GLIS3: variants seen among roughly 807,000 people sequenced by gnomAD.
GLIS3 encodes zinc finger protein GLIS3.
Under a neutral mutation model 78.6 loss-of-function variants are expected in GLIS3, and 53 were observed. The ratio of observed to expected loss-of-function variants is 0.67; its 90% CI spans 0.54 to 0.85. GLIS3 has a LOEUF of 0.85. GLIS3 is among the 40% of genes least tolerant of loss of function. The pLI, the probability that GLIS3 is intolerant of heterozygous loss-of-function variation, is 0.00. For missense variants in GLIS3, 1,703 were observed against 1,231.1 expected (o/e 1.38, Z -5.74); for synonymous variants, 684 against 509.9 (o/e 1.34, Z -4.60).
intron 2 of GLIS3, among the ~76,000 whole-genome samples, chr9:4,244,875 C>G (rs1284712808): frequency 1.3e-5 from 2 of 152,112 alleles, no homozygotes; most frequent in African/African-American, 4.8e-5. Context: ...CATGCCTGAC[C>G]ACAAGGAATT....
In GLIS3 at chr9:3,932,237, C is replaced by T. The variant is rs372075339; in HGVS notation, c.1983+123G>A. The stretch of plus-strand genomic sequence containing the variant: ...TTCATGGGAGACTTACCTCCTCAAA[C>T]GGTCTAAAGCAGGTTATACCATGAG... On this transcript the variant is annotated intron_variant, in intron 6 of 10. Coordinates refer to ENST00000381971, the MANE Select transcript of GLIS3 (RefSeq NM_001042413.2). The T allele has an allele frequency of 2.2e-3, 1,616 of 733,500 alleles. 19 individuals carry two copies. The highest frequency in any genetic ancestry group is 0.01 in the South Asian group (702 of 67,930). The allele number at this position is 733,500 out of a possible 1,614,324, so 45.4% of individuals were successfully genotyped here.
At chr9:4,233,901 G>C (rs749320875) in intron 2 of GLIS3, among the ~76,000 whole-genome samples, 1 of 152,166 alleles carries the variant, frequency 6.6e-6, no homozygotes, top group African/African-American at 2.4e-5. Context: ...ATCACCACTT[G>C]CTGCTTCAAC....
chr9:4,107,959 T>TGC (rs1830901702), intron 4 of GLIS3, among the ~76,000 whole-genome samples: 1 of 152,174 alleles, frequency 6.6e-6, no homozygotes, highest in South Asian at 2.1e-4. Context: ...TGTGTGTGTG[T>TGC]GCATGCATGT....
chr9:4,406,181 T>A, the GLIS3 span, among the ~76,000 whole-genome samples: 4 of 152,114 alleles, frequency 2.6e-5, no homozygotes, highest in Admixed American at 2.0e-4. Context: ...AGATGCCCAC[T>A]TTCGTCACAA....
chr9:4,079,091 C>T (rs985468614), intron 4 of GLIS3, among the ~76,000 whole-genome samples: 1 of 152,210 alleles, frequency 6.6e-6, no homozygotes, highest in Non-Finnish European at 1.5e-5. Flanking sequence ...GTTTCCTGCA[C>T]TCACATTCTA....
the GLIS3 span, among the ~76,000 whole-genome samples, chr9:4,452,986 C>G: frequency 5.9e-5 from 9 of 152,072 alleles, no homozygotes; most frequent in Admixed American, 5.9e-4. Flanking sequence ...TGGAACAGAA[C>G]AGAGGCCTCA....
At chr9:4,412,769 C>G in the GLIS3 span, among the ~76,000 whole-genome samples, 8 of 152,316 alleles carry the variant, frequency 5.3e-5, no homozygotes, top group Admixed American at 3.3e-4. Flanking sequence ...CTGAACCTGA[C>G]TGGTAGAGAA....
At position 4,281,819 on chromosome 9, in the gene GLIS3, G is replaced by A. The variant is rs548339206; in HGVS notation, c.388+4219C>T. On this transcript the variant is annotated intron_variant, in intron 2 of 10. Transcript: ENST00000381971. ...CATAGTGCAACTTACTGTTAAAACT[G>A]TCAACCTCCTCAAGCTAGTAGTTTG... is the stretch of plus-strand genomic sequence containing the variant. Among the ~76,000 whole-genome samples, 297 of 152,288 alleles carry A rather than the reference G, an allele frequency of 2.0e-3. 1 individual carries two copies. The highest frequency in any genetic ancestry group is 6.9e-3 in the African/African-American group (286 of 41,554).
At chr9:3,901,905 G>A (rs1481057485) in intron 6 of GLIS3, among the ~76,000 whole-genome samples, 1 of 152,140 alleles carries the variant, frequency 6.6e-6, no homozygotes, top group Non-Finnish European at 1.5e-5. Flanking sequence ...AATGAGTTCT[G>A]GTGATCACTT....
At chr9:4,217,993 C>T (rs1821000857) in intron 2 of GLIS3, among the ~76,000 whole-genome samples, 1 of 152,168 alleles carries the variant, frequency 6.6e-6, no homozygotes, top group East Asian at 1.9e-4. Flanking sequence ...TTTTCCTTCT[C>T]CCTCCACTCA....
chr9:4,189,804 C>A (rs557775323), intron 2 of GLIS3, among the ~76,000 whole-genome samples: 3 of 151,956 alleles, frequency 2.0e-5, no homozygotes, highest in African/African-American at 7.3e-5. Flanking sequence ...TTATCAGAGA[C>A]TAGGATTGCA....
intron 4 of GLIS3, among the ~76,000 whole-genome samples, chr9:3,984,037 G>A (rs1265899093): frequency 6.6e-6 from 1 of 152,248 alleles, no homozygotes; most frequent in Non-Finnish European, 1.5e-5. Context: ...CGAGGCCTAG[G>A]AGGAAAAACT....
At chr9:4,235,427 T>C (rs1047413639) in intron 2 of GLIS3, among the ~76,000 whole-genome samples, 1 of 152,200 alleles carries the variant, frequency 6.6e-6, no homozygotes, top group Non-Finnish European at 1.5e-5. Context: ...ATGCAACTTT[T>C]ATCAACTTTA....
At chr9:4,341,977 C>T (rs1279138002) in intron 2 of GLIS3, among the ~76,000 whole-genome samples, 1 of 152,074 alleles carries the variant, frequency 6.6e-6, no homozygotes, top group Non-Finnish European at 1.5e-5. Context: ...TGCTTAAGTT[C>T]CTTGTGGATT....
At chr9:4,264,223 T>A (rs1380802183) in intron 2 of GLIS3, among the ~76,000 whole-genome samples, 1 of 152,196 alleles carries the variant, frequency 6.6e-6, no homozygotes, top group Non-Finnish European at 1.5e-5. Context: ...CACTGATTCT[T>A]CTGTTTCTTA....
At chr9:4,035,235 G>A (rs1285568525) in intron 4 of GLIS3, among the ~76,000 whole-genome samples, 1 of 152,042 alleles carries the variant, frequency 6.6e-6, no homozygotes, top group African/African-American at 2.4e-5. Context: ...CATTTTACAG[G>A]TGAAAGCATT....
intron 2 of GLIS3, among the ~76,000 whole-genome samples, chr9:4,276,923 T>C (rs1195385270): frequency 6.6e-6 from 1 of 152,242 alleles, no homozygotes; most frequent in Non-Finnish European, 1.5e-5. Flanking sequence ...TCTGGCTGTT[T>C]GGTTATTTTT....
the GLIS3 span, among the ~76,000 whole-genome samples, chr9:4,434,139 G>C: frequency 1.3e-5 from 2 of 150,682 alleles, no homozygotes; most frequent in African/African-American, 2.4e-5. Context: ...TTGCAATTGT[G>C]TAGAACGCCT....
At position 3,829,307 on chromosome 9, in the gene GLIS3, C is replaced by T. The variant is rs745879337; in HGVS notation, c.2656+3G>A. ...TTTTCTAAGTCACAGACAACCAACA[C>T]ACCTGTAATGCCCGAGTGAGTCGAG... is the stretch of plus-strand genomic sequence containing the variant. On this transcript the variant is annotated splice_donor_region_variant and intron_variant, in intron 10 of 10. Coordinates refer to ENST00000381971, the MANE Select transcript of GLIS3 (RefSeq NM_001042413.2). 5.6e-6 allele frequency: 9 copies of T among 1,613,644 alleles called. No homozygotes were observed. Among genetic ancestry groups the T allele is most frequent in the Middle Eastern group, 1.6e-4 (1 of 6,082 alleles).
Sources: gnomAD v4.1 joint callset for allele counts (sites outside exome capture counted in the v4.1 genomes callset) on GRCh38, gnomAD v4.1.1 for gene constraint, MANE v1.5 for transcripts, NCBI Gene and HGNC (gene_info 2026-07-23, HGNC 2026-07-21) for gene names.